Variants in FAM118A observed in about 807,000 individuals in gnomAD.
The protein encoded by FAM118A is protein FAM118A.
In FAM118A, 25 loss-of-function variants were observed where a neutral mutation model predicts 38.2. The ratio of observed to expected loss-of-function variants is 0.65; its 90% CI spans 0.48 to 0.91. FAM118A has a LOEUF of 0.91. Among genes scored for constraint, FAM118A ranks in the 40% least tolerant of loss-of-function variants. The pLI is 0.00. For synonymous variants in FAM118A, 178 were observed against 184.1 expected (o/e 0.97, Z 0.27); for missense variants, 425 against 463.3 (o/e 0.92, Z 0.76).
intron 4 of FAM118A, among the ~76,000 whole-genome samples, chr22:45,330,202 A>G (rs2085605078): frequency 6.6e-6 from 1 of 152,220 alleles, no homozygotes; most frequent in Non-Finnish European, 1.5e-5. Context: ...CTGTCTTTAA[A>G]TAAGTCCTTT....
chr22:45,324,387 T>G (rs2085105730), intron 3 of FAM118A, among the ~76,000 whole-genome samples: 1 of 150,730 alleles, frequency 6.6e-6, no homozygotes, highest in Non-Finnish European at 1.5e-5. Context: ...GCGCGGGGAG[T>G]GCGTGGAGGA....
chr22:45,337,822 A>G (rs984478489), intron 8 of FAM118A: 2 of 985,208 alleles, frequency 2.0e-6, no homozygotes, highest in Non-Finnish European at 2.4e-6. Context: ...CCTGAGGGCC[A>G]TGTGTCTGCA....
chr22:45,331,044 C>G (rs2085676332), intron 5 of FAM118A, among the ~76,000 whole-genome samples: 1 of 152,164 alleles, frequency 6.6e-6, no homozygotes, highest in African/African-American at 2.4e-5. Flanking sequence ...TCTCACCTGC[C>G]CAGGTATATA....
At chr22:45,324,774 C>T (rs1257672711) in intron 3 of FAM118A, among the ~76,000 whole-genome samples, 13 of 152,134 alleles carry the variant, frequency 8.5e-5, no homozygotes, top group Middle Eastern at 3.2e-3. Flanking sequence ...GGCAGGGGCG[C>T]GGTGGCTCAC....
intron 2 of FAM118A, 79 bp from the exon 3 acceptor site, chr22:45,323,096 C>A: frequency 6.6e-7 from 1 of 1,509,354 alleles, no homozygotes; most frequent in Non-Finnish European, 9.0e-7. Flanking sequence ...AAGGCCGGAA[C>A]TCGCAGACAG....
chr22:45,330,220 C>A (rs559255657), intron 4 of FAM118A, among the ~76,000 whole-genome samples: 77 of 152,224 alleles, frequency 5.1e-4, no homozygotes, highest in African/African-American at 1.6e-3. Flanking sequence ...TTTTTTTCCA[C>A]CCTGAGACAG....
intron 8 of FAM118A, among the ~76,000 whole-genome samples, chr22:45,339,503 T>TG (rs2086335151): frequency 6.6e-6 from 1 of 152,250 alleles, no homozygotes. Flanking sequence ...ATCAAACTGT[T>TG]TGAAATCTTT....
At chr22:45,334,194 TA>T (rs2085926265) in intron 6 of FAM118A, among the ~76,000 whole-genome samples, 1 of 152,264 alleles carries the variant, frequency 6.6e-6, no homozygotes, top group Non-Finnish European at 1.5e-5. Flanking sequence ...GAGAAATTCT[TA>T]AACTTGGTCA....
intron 3 of FAM118A, among the ~76,000 whole-genome samples, chr22:45,326,166 T>C (rs9614637): frequency 0.9 from 134,851 of 150,424 alleles, 60,601 homozygotes; most frequent in African/African-American, 0.95. Flanking sequence ...TGTGTCCTCC[T>C]GAACCCGCCC....
chr22:45,332,302 G>C (rs1299120250), intron 5 of FAM118A, 123 bp from the exon 6 acceptor site: 1 of 987,406 alleles, frequency 1.0e-6, no homozygotes, highest in Non-Finnish European at 1.5e-6. Flanking sequence ...GTGCTCCTCA[G>C]CGTGGCCCTG....
chr22:45,332,564 T>G lies in FAM118A; in HGVS notation c.791T>G (p.Leu264Arg), dbSNP rs761500297. ...KVDLEHYMLVLKENEDHFFKH... is the reference protein window; with the variant it reads ...KVDLEHYMLVRKENEDHFFKH... ...GATTTGGAGCACTACATGCTTGTGC[T>G]GAAGGAGAATGAAGACCATTTCTTT... Residue 264 changes from leucine (L) to arginine (R), a missense_variant, in exon 6 of 9, where the codon CTG becomes CGG. Transcript: ENST00000441876. 3.1e-6 allele frequency: 5 copies of G among 1,614,086 alleles called. No homozygotes were observed. Among genetic ancestry groups the G allele is most frequent in the Non-Finnish European group, 4.2e-6 (5 of 1,180,048 alleles).
At chr22:45,339,103 A>G (rs1272985934) in intron 8 of FAM118A, among the ~76,000 whole-genome samples, 1 of 152,218 alleles carries the variant, frequency 6.6e-6, no homozygotes, top group East Asian at 1.9e-4. Context: ...ACATCCTCTC[A>G]TTTAGTTTTA....
intron 8 of FAM118A, chr22:45,337,994 G>C: frequency 1.5e-6 from 1 of 662,576 alleles, no homozygotes; most frequent in South Asian, 6.7e-5. Flanking sequence ...TTTCCTGGGA[G>C]TTTTTAGGAT....
chr22:45,336,547 G>C lies in FAM118A; in HGVS notation c.1054+136G>C, dbSNP rs200502479. Reference sequence around the variant, plus strand: ...GTGCATACGTTCTGTCAGGGCCAGAGAGCACAGGAGGCTTACTTAGCAGAG... The same window carrying C: ...GTGCATACGTTCTGTCAGGGCCAGACAGCACAGGAGGCTTACTTAGCAGAG... On this transcript the variant is annotated intron_variant, in intron 8 of 8. Coordinates refer to ENST00000441876, the MANE Select transcript of FAM118A (RefSeq NM_017911.4). 12 of 643,932 alleles carry C rather than the reference G, an allele frequency of 1.9e-5. No individual in the cohort carries two copies. In the East Asian group the frequency reaches 2.5e-4, roughly 14 times the overall value. The allele number at this position is 643,932 out of a possible 1,614,324, so 39.9% of individuals were successfully genotyped here.
At position 45,332,677 on chromosome 22, in the gene FAM118A, C is replaced by T; in HGVS notation, c.904C>T (p.Leu302Phe). The change falls in exon 6 of 9, where the codon CTT becomes TTT. Residue 302 changes from leucine (L) to phenylalanine (F), a missense_variant. Leu to Phe is a conservative substitution (Grantham distance 22). Coordinates refer to ENST00000441876, the MANE Select transcript of FAM118A (RefSeq NM_017911.4). ...FDHFPGYVQD[L>F]ATQICKQQSP... Reference sequence around the variant, plus strand: ...CCACTTTCCAGGATATGTGCAAGACCTTGCCACTCAGATCTGCAAACAGCA... The same window carrying T: ...CCACTTTCCAGGATATGTGCAAGACTTTGCCACTCAGATCTGCAAACAGCA... 1 of 1,611,168 alleles carries T rather than the reference C, an allele frequency of 6.2e-7. No homozygotes were observed. The highest frequency in any genetic ancestry group is 8.5e-7 in the Non-Finnish European group (1 of 1,177,840).
At chr22:45,312,753 C>T (rs1292363168) in intron 1 of FAM118A, among the ~76,000 whole-genome samples, 2 of 152,180 alleles carry the variant, frequency 1.3e-5, no homozygotes, top group Admixed American at 6.5e-5. Context: ...GCAAAGGACA[C>T]AGATGAGAAG....
At chr22:45,310,869 A>G (rs2084334875) in intron 1 of FAM118A, among the ~76,000 whole-genome samples, 1 of 151,904 alleles carries the variant, frequency 6.6e-6, no homozygotes, top group African/African-American at 2.4e-5. Context: ...GTTAGGGCAC[A>G]TGGGGACGCT....
At chr22:45,322,885 G>A (rs2084966526) in intron 2 of FAM118A, among the ~76,000 whole-genome samples, 1 of 152,180 alleles carries the variant, frequency 6.6e-6, no homozygotes, top group South Asian at 2.1e-4. Flanking sequence ...AGCTTCAAAG[G>A]AATGATATGT....
intron 8 of FAM118A, chr22:45,338,046 G>A: frequency 3.9e-6 from 1 of 256,110 alleles, no homozygotes. Flanking sequence ...GATGTATTTA[G>A]GTGGAAAACT....
Sources: allele counts gnomAD v4.1 joint callset (sites outside exome capture counted in the v4.1 genomes callset), GRCh38; gene constraint gnomAD v4.1.1; transcripts MANE v1.5; gene names NCBI Gene and HGNC (gene_info 2026-07-23, HGNC 2026-07-21).